Variants in LAMTOR3 observed in about 807,000 individuals in gnomAD.
LAMTOR3 encodes late endosomal/lysosomal adaptor, MAPK and MTOR activator 3.
LAMTOR3 carries 14 observed loss-of-function variants against 20.3 expected under a neutral mutation model. The ratio of observed to expected loss-of-function variants is 0.69; its 90% CI spans 0.46 to 1.08. The LOEUF (loss-of-function observed/expected upper bound fraction) is 1.08. Ranked by LOEUF, LAMTOR3 falls within the 50% of genes least tolerant of loss-of-function variation. LAMTOR3 has a pLI of 0.00. For synonymous variants in LAMTOR3, 40 were observed against 49.4 expected (o/e 0.81, Z 0.80); for missense variants, 125 against 143.7 (o/e 0.87, Z 0.67).
rs183465065 is a variant in LAMTOR3, at chr4:99,886,369, A to T, written c.104-694T>A. ...TCTATTACTGTTTTGTTACTGACTC[A>T]TGTCCGACTTTGGACGGCAATGTCC... On this transcript the variant is annotated intron_variant, in intron 4 of 6. Coordinates refer to ENST00000499666, the MANE Select transcript of LAMTOR3 (RefSeq NM_021970.4). Among the ~76,000 whole-genome samples the T allele has an allele frequency of 1.2e-3, 189 of 152,334 alleles. 3 individuals are homozygous for T. Among genetic ancestry groups the T allele is most frequent in the Admixed American group, 0.012 (186 of 15,294 alleles).
At chr4:99,886,291 A>G (rs1051864252) in intron 4 of LAMTOR3, among the ~76,000 whole-genome samples, 1 of 152,220 alleles carries the variant, frequency 6.6e-6, no homozygotes, top group African/African-American at 2.4e-5. Context: ...TTCAACAGCC[A>G]TTTTATAGTG....
chr4:99,892,632 T>C (rs539055295), intron 2 of LAMTOR3, among the ~76,000 whole-genome samples: 4 of 152,294 alleles, frequency 2.6e-5, no homozygotes, highest in Admixed American at 2.0e-4. Context: ...TTTTAAAATA[T>C]TTTGTTTAAG....
At chr4:99,894,460 A>C (rs2298735), upstream of LAMTOR3, 66,270 of 151,900 alleles carry the variant, frequency 0.44, 15,318 homozygotes, top group African/African-American at 0.59. Flanking sequence ...GCACTTTCTA[A>C]GCCGCCGTCG....
Position 99,885,527 on chromosome 4 carries a change from T to A in LAMTOR3, c.237+15A>T. On this transcript the variant is annotated intron_variant, in intron 5 of 6. Coordinates refer to ENST00000499666, the MANE Select transcript of LAMTOR3 (RefSeq NM_021970.4). Reference sequence around the variant, plus strand: ...CAACTGAAATCAGCAAATCATTTTATAATTATGAACTTACCTGGTAGGTGT... The same window carrying A: ...CAACTGAAATCAGCAAATCATTTTAAAATTATGAACTTACCTGGTAGGTGT... The A allele has an allele frequency of 6.4e-7, 1 of 1,574,134 alleles. No homozygotes were observed. Among genetic ancestry groups the A allele is most frequent in the Non-Finnish European group, 8.6e-7 (1 of 1,162,690 alleles).
Position 99,885,644 on chromosome 4 carries a change from C to G in LAMTOR3, c.135G>C (p.Leu45Phe), listed in dbSNP as rs17852372. The G allele has an allele frequency of 1.9e-6, 3 of 1,613,046 alleles. No individual in the cohort carries two copies. Among genetic ancestry groups the G allele is most frequent in the Non-Finnish European group, 2.5e-6 (3 of 1,179,644 alleles). The change falls in exon 5 of 7, where the codon TTG (leucine) becomes TTC (phenylalanine). Residue 45 changes from leucine to phenylalanine, a missense_variant. Coordinates refer to ENST00000499666, the MANE Select transcript of LAMTOR3 (RefSeq NM_021970.4). ...VANDNAPEHA[L>F]RPGFLSTFAL... ...CAAAAGTGGATAAGAAACCAGGTCG[C>G]AAAGCATGCTCTGGAGCATTGTCAT... is the stretch of plus-strand genomic sequence containing the variant.
At chr4:99,882,143 C>T (rs889788969) in intron 6 of LAMTOR3, 76 bp from the exon 7 acceptor site, 38 of 827,022 alleles carry the variant, frequency 4.6e-5, no homozygotes, top group South Asian at 1.7e-4. Context: ...TTCCTTATGT[C>T]CAAAATACAT....
rs185358039 is a variant in LAMTOR3, at chr4:99,881,122, C to T, written c.*872G>A. On this transcript the variant is annotated 3_prime_UTR_variant, in exon 7 of 7. Coordinates refer to ENST00000499666, the MANE Select transcript of LAMTOR3 (RefSeq NM_021970.4). ...CTACAAGAAACACTCATTATTTATT[C>T]ATGTGGCTGAAAGAGTATATTAATT... is the stretch of plus-strand genomic sequence containing the variant. 14 of 152,220 alleles carry T rather than the reference C, an allele frequency of 9.2e-5. No individual in the cohort carries two copies. The East Asian group carries it at 2.3e-3, about 25-fold the overall frequency. 9.4% of individuals were successfully genotyped at this position (152,220 alleles called of 1,614,324 possible).
Position 99,885,549 on chromosome 4 carries a change from G to C in LAMTOR3, c.230C>G (p.Thr77Ser). 6.2e-7 allele frequency: 1 copy of C among 1,610,392 alleles called. No individual in the cohort carries two copies. Among genetic ancestry groups the C allele is most frequent in the Non-Finnish European group, 8.5e-7 (1 of 1,178,500 alleles). The stretch of plus-strand genomic sequence containing the variant: ...TTATAATTATGAACTTACCTGGTAG[G>C]TGTTATAGTAACAGATGATACTTTT... ...KNKSIICYYN[T>S]YQVVQFNRLP... Residue 77 changes from threonine (T) to serine (S), a missense_variant, in exon 5 of 7, where the codon ACC becomes AGC. Physicochemically the swap from Thr to Ser is moderately conservative, Grantham distance 58. Around this residue, in one of 3 missense-constraint regions of LAMTOR3, gnomAD observed 99 missense variants for 96.0 expected, o/e 1.03. Transcript: ENST00000499666.
At chr4:99,888,705 T>C (rs1724971690) in intron 3 of LAMTOR3, among the ~76,000 whole-genome samples, 1 of 152,152 alleles carries the variant, frequency 6.6e-6, no homozygotes, top group Admixed American at 6.5e-5. Flanking sequence ...TAAAATCCCA[T>C]TGTCAAAAAC....
Position 99,878,949 on chromosome 4 carries a change from T to C in LAMTOR3, c.*3045A>G, listed in dbSNP as rs540746688. The C allele has an allele frequency of 2.0e-5, 3 of 152,350 alleles. No individual in the cohort carries two copies. The East Asian group carries it at 5.8e-4, about 29-fold the overall frequency. The allele number at this position is 152,350 out of a possible 1,614,324, so 9.4% of individuals were successfully genotyped here. ...TGCAAAGAATATACTTGTAAATACA[T>C]ACTTTTGCACATCTATGTGCTTTGT... On this transcript the variant is annotated 3_prime_UTR_variant, in exon 7 of 7. Transcript: ENST00000499666.
chr4:99,892,902 A>ACC (rs1725048823), intron 2 of LAMTOR3, among the ~76,000 whole-genome samples: 1 of 152,048 alleles, frequency 6.6e-6, no homozygotes, highest in Admixed American at 6.6e-5. Flanking sequence ...CTGGTCTCGA[A>ACC]CTCCTGACCT....
chr4:99,882,048 T>TTC lies in LAMTOR3; in HGVS notation c.319_320dup (p.Glu109ArgfsTer10). ...CTTCAAACAATGGAGCAAGTTCCTT[T>TTC]TCTAGGCTGACAATTAGTCCTAAAA... On this transcript the variant is annotated frameshift_variant, in exon 7 of 7. Transcript: ENST00000499666. LOFTEE classifies it high-confidence loss of function. 1.3e-6 allele frequency: 2 copies of TTC among 1,586,114 alleles called. No homozygotes were observed. The highest frequency in any genetic ancestry group is 1.7e-6 in the Non-Finnish European group (2 of 1,170,808).
At chr4:99,892,311 T>C (rs1725036875) in intron 2 of LAMTOR3, among the ~76,000 whole-genome samples, 1 of 152,238 alleles carries the variant, frequency 6.6e-6, no homozygotes, top group Non-Finnish European at 1.5e-5. Context: ...AGAAGATGCA[T>C]GGATTAGCAT....
chr4:99,892,810 C>G (rs1015754574), intron 2 of LAMTOR3, among the ~76,000 whole-genome samples: 1 of 151,842 alleles, frequency 6.6e-6, no homozygotes, highest in Non-Finnish European at 1.5e-5. Context: ...TCCCGAGTAG[C>G]TGGGATTACA....
chr4:99,887,997 T>C lies in LAMTOR3; in HGVS notation c.45-643A>G, dbSNP rs566060554. On this transcript the variant is annotated intron_variant, in intron 3 of 6. Coordinates refer to ENST00000499666, the MANE Select transcript of LAMTOR3 (RefSeq NM_021970.4). Reference sequence around the variant, plus strand: ...TCAGCTGAGACGTTATGGCACTAAGTGAAAAGACGTGGAAAAACTGTTCCT... The same window carrying C: ...TCAGCTGAGACGTTATGGCACTAAGCGAAAAGACGTGGAAAAACTGTTCCT... Among the ~76,000 whole-genome samples, 22 of 152,174 alleles carry C rather than the reference T, an allele frequency of 1.4e-4. No individual in the cohort carries two copies. In the South Asian group the frequency reaches 4.6e-3, roughly 32 times the overall value.
intron 3 of LAMTOR3, among the ~76,000 whole-genome samples, chr4:99,889,068 G>A (rs1724978274): frequency 6.6e-6 from 1 of 152,066 alleles, no homozygotes; most frequent in Admixed American, 6.6e-5. Context: ...AGCTGGGTGT[G>A]GTGGTGCTTG....
rs564623233 is a variant in LAMTOR3, at chr4:99,891,830, G to A, written c.44+170C>T. ...AGGCAAACTTATTGACATAAATGAG[G>A]AAAGCGGTTGTGACGAAAATTTTCC... On this transcript the variant is annotated intron_variant, in intron 3 of 6. Coordinates refer to ENST00000499666, the MANE Select transcript of LAMTOR3 (RefSeq NM_021970.4). Among the ~76,000 whole-genome samples, 87 of 152,254 alleles carry A rather than the reference G, an allele frequency of 5.7e-4. 1 individual carries two copies. The highest frequency in any genetic ancestry group is 2.0e-3 in the African/African-American group (82 of 41,546).
chr4:99,885,713 G>A (rs926373076), intron 4 of LAMTOR3, 38 bp from the exon 5 acceptor site: 20 of 1,567,740 alleles, frequency 1.3e-5, no homozygotes, highest in African/African-American at 5.5e-5. Flanking sequence ...ATTATGCAGA[G>A]GATATGGTAG....
chr4:99,890,240 T>C (rs1724998243), intron 3 of LAMTOR3, among the ~76,000 whole-genome samples: 1 of 152,236 alleles, frequency 6.6e-6, no homozygotes. Context: ...TTATGAAATA[T>C]TTGGTTGTTT....
Sources: allele counts gnomAD v4.1 joint callset (sites outside exome capture counted in the v4.1 genomes callset), GRCh38; gene constraint gnomAD v4.1.1; regional missense constraint gnomAD v4.1.1; transcripts MANE v1.5; gene names NCBI Gene and HGNC (gene_info 2026-07-23, HGNC 2026-07-21).